The following SNTG1 variants were observed in gnomAD, a reference collection of about 807,000 sequenced individuals.
SNTG1 encodes the protein syntrophin gamma 1.
A neutral mutation model predicts 74.7 loss-of-function variants in SNTG1; 39 were observed. That is an observed-to-expected ratio of 0.52 (90% CI 0.40 to 0.68). The LOEUF is 0.68. Ranked by LOEUF, SNTG1 falls within the 30% of genes least tolerant of loss-of-function variation. SNTG1 has a pLI of 0.00. For synonymous variants in SNTG1, 254 were observed against 217.1 expected, an observed-to-expected ratio of 1.17 and a Z score of -1.49; for missense variants, 685 against 609.5, an observed-to-expected ratio of 1.12 and a Z score of -1.30.
intron 9 of SNTG1, among the ~76,000 whole-genome samples, chr8:50,520,936 G>A (rs1399801600): frequency 6.6e-6 from 1 of 152,066 alleles, no homozygotes; most frequent in Non-Finnish European, 1.5e-5. Flanking sequence ...ATACCCAAAG[G>A]AATATAAATC....
chr8:50,491,890 C>CG (rs946565952), intron 8 of SNTG1, among the ~76,000 whole-genome samples: 2 of 151,324 alleles, frequency 1.3e-5, no homozygotes, highest in African/African-American at 2.4e-5. Context: ...TCCCCCGCCC[C>CG]CCTACCACCC....
intron 1 of SNTG1, among the ~76,000 whole-genome samples, chr8:50,147,809 G>A (rs1412841014): frequency 1.3e-5 from 2 of 152,186 alleles, no homozygotes; most frequent in African/African-American, 2.4e-5. Flanking sequence ...GGATCTAGAA[G>A]CACTGTAATT....
intron 2 of SNTG1, among the ~76,000 whole-genome samples, chr8:50,248,343 T>C (rs939579301): frequency 6.6e-6 from 1 of 152,208 alleles, no homozygotes; most frequent in African/African-American, 2.4e-5. Context: ...GACAAGTCTC[T>C]CCATATTTGA....
At chr8:50,391,809 G>A (rs10101437) in intron 2 of SNTG1, among the ~76,000 whole-genome samples, 3 of 152,072 alleles carry the variant, frequency 2.0e-5, no homozygotes, top group African/African-American at 7.2e-5. Flanking sequence ...GAGTGTGTAT[G>A]TGTTGAGTAA....
At chr8:50,181,404 CA>C in intron 2 of SNTG1, among the ~76,000 whole-genome samples, 1 of 152,156 alleles carries the variant, frequency 6.6e-6, no homozygotes, top group Admixed American at 6.5e-5. Flanking sequence ...CTTGCCTTTC[CA>C]AAAACTTATT....
upstream of SNTG1, among the ~76,000 whole-genome samples, chr8:49,910,661 G>T (rs570507452): frequency 1.1e-3 from 173 of 152,282 alleles, no homozygotes; most frequent in Non-Finnish European, 2.2e-3. Flanking sequence ...TGCCAAGAGC[G>T]GGAGTGAAGA....
At chr8:49,939,665 C>A (rs1188730839) in intron 1 of SNTG1, among the ~76,000 whole-genome samples, 1 of 152,180 alleles carries the variant, frequency 6.6e-6, no homozygotes, top group Admixed American at 6.5e-5. Flanking sequence ...CCATGGGTAA[C>A]AAGGCATAAA....
At chr8:50,715,713 A>G (rs2095473457) in intron 17 of SNTG1, among the ~76,000 whole-genome samples, 1 of 152,176 alleles carries the variant, frequency 6.6e-6, no homozygotes, top group South Asian at 2.1e-4. Context: ...TCACATGTAT[A>G]TTGACCTTCA....
intron 8 of SNTG1, among the ~76,000 whole-genome samples, chr8:50,469,357 C>T (rs556573762): frequency 5.9e-5 from 9 of 152,234 alleles, no homozygotes; most frequent in Admixed American, 3.3e-4. Flanking sequence ...CTCAGGACTG[C>T]ACTCCCTATT....
chr8:50,316,669 A>C (rs1441660360), intron 2 of SNTG1, among the ~76,000 whole-genome samples: 1 of 152,190 alleles, frequency 6.6e-6, no homozygotes, highest in Admixed American at 6.5e-5. Context: ...ATATGTTCCA[A>C]GCAGTCCAGT....
chr8:50,091,373 G>T (rs540224533), intron 1 of SNTG1, among the ~76,000 whole-genome samples: 2 of 151,754 alleles, frequency 1.3e-5, no homozygotes, highest in East Asian at 3.9e-4. Context: ...ACTAATCATA[G>T]TCACCATTCT....
At chr8:50,399,277 G>A (rs1187118700) in intron 3 of SNTG1, among the ~76,000 whole-genome samples, 3 of 151,892 alleles carry the variant, frequency 2.0e-5, no homozygotes, top group Non-Finnish European at 2.9e-5. Context: ...TTTATTTTCT[G>A]CAACTCTTGT....
Position 50,193,020 on chromosome 8 carries a change from T to A in SNTG1, c.-28+20385T>A, listed in dbSNP as rs533650386. On this transcript the variant is annotated intron_variant, in intron 2 of 18. Coordinates refer to ENST00000642720, the MANE Select transcript of SNTG1 (RefSeq NM_018967.5). ...TTTCATTGGTCTGTGTGCCTTTTTT[T>A]ATACCAGTACCATGCTGTTTGGGTG... is the stretch of plus-strand genomic sequence containing the variant. 2.6e-4 allele frequency among the ~76,000 whole-genome samples: 39 copies of A among 152,272 alleles called. No homozygotes were observed. The South Asian group carries it at 7.7e-3, about 30-fold the overall frequency.
At chr8:50,047,565 G>A (rs1819203073) in intron 1 of SNTG1, among the ~76,000 whole-genome samples, 1 of 152,110 alleles carries the variant, frequency 6.6e-6, no homozygotes, top group Admixed American at 6.5e-5. Flanking sequence ...TGACCAGAAT[G>A]TTTCATGGAA....
At chr8:50,333,092 T>A (rs1054670801) in intron 2 of SNTG1, among the ~76,000 whole-genome samples, 1 of 152,248 alleles carries the variant, frequency 6.6e-6, no homozygotes, top group Non-Finnish European at 1.5e-5. Context: ...AAAAAGTCAT[T>A]GCTAACTTTG....
At chr8:50,255,595 G>C (rs1358343971) in intron 2 of SNTG1, among the ~76,000 whole-genome samples, 1 of 152,146 alleles carries the variant, frequency 6.6e-6, no homozygotes, top group Non-Finnish European at 1.5e-5. Flanking sequence ...TTTGCTGGCA[G>C]TTCTTAGTGT....
In SNTG1 at chr8:50,070,069, A is replaced by G. The variant is rs964938476; in HGVS notation, c.-102-102492A>G. Reference sequence around the variant, plus strand: ...AGAACATTCAATGTATGTTTGGTAAAGTAGTAAAGAATGGATGCATGTGAT... The same window carrying G: ...AGAACATTCAATGTATGTTTGGTAAGGTAGTAAAGAATGGATGCATGTGAT... On this transcript the variant is annotated intron_variant, in intron 1 of 18. Coordinates refer to ENST00000642720, the MANE Select transcript of SNTG1 (RefSeq NM_018967.5). Among the ~76,000 whole-genome samples the G allele has an allele frequency of 2.6e-5, 4 of 152,188 alleles. No homozygotes were observed. The East Asian group carries it at 7.7e-4, about 29-fold the overall frequency.
At chr8:50,153,788 C>T (rs2082156089) in intron 1 of SNTG1, among the ~76,000 whole-genome samples, 1 of 152,208 alleles carries the variant, frequency 6.6e-6, no homozygotes, top group South Asian at 2.1e-4. Context: ...GGGTACCCAG[C>T]TGTATGAGGT....
intron 17 of SNTG1, among the ~76,000 whole-genome samples, chr8:50,732,173 A>G (rs1002819306): frequency 6.6e-6 from 1 of 152,158 alleles, no homozygotes; most frequent in Non-Finnish European, 1.5e-5. Context: ...TCTTAAAAGT[A>G]CATCTAGTTG....
Sources: allele counts gnomAD v4.1 joint callset (sites outside exome capture counted in the v4.1 genomes callset), GRCh38; gene constraint gnomAD v4.1.1; transcripts MANE v1.5; gene names NCBI Gene and HGNC (gene_info 2026-07-23, HGNC 2026-07-21).